TEX101: variants seen among roughly 807,000 people sequenced by gnomAD.
The protein encoded by TEX101 is testis expressed 101.
TEX101 carries 10 observed loss-of-function variants against 18.1 expected under a neutral mutation model. The ratio of observed to expected loss-of-function variants is 0.55; its 90% CI spans 0.34 to 0.94. TEX101 has a LOEUF of 0.94. Ranked by LOEUF, TEX101 falls within the 40% of genes least tolerant of loss-of-function variation. The probability of loss-of-function intolerance (pLI) is 0.02; values close to 1 mark genes in which losing one functional copy is unlikely to be tolerated. For synonymous variants in TEX101, 94 were observed against 114.8 expected, an observed-to-expected ratio of 0.82 and a Z score of 1.16; for missense variants, 259 against 298.9, an observed-to-expected ratio of 0.87 and a Z score of 0.98.
intron 3 of TEX101, among the ~76,000 whole-genome samples, chr19:43,407,548 A>G (rs765706145): frequency 6.6e-6 from 1 of 151,968 alleles, no homozygotes; most frequent in Non-Finnish European, 1.5e-5. Flanking sequence ...GGATTAGACC[A>G]TGTGAGACAG....
Position 43,416,162 on chromosome 19 carries a change from T to G in TEX101, c.128T>G (p.Met43Arg). The change falls in exon 3 of 6, where the codon ATG becomes AGG. Residue 43 changes from methionine (M) to arginine (R), a missense_variant. By Grantham distance (91) the Met-to-Arg change is moderately conservative (BLOSUM62 -1). Transcript: ENST00000598265. ...ACTGTGGAAGCAGATCCAGCCAATATGTTTAACTGGACCACAGAGGAAGTG... is the reference window on the plus strand; with the variant it reads ...ACTGTGGAAGCAGATCCAGCCAATAGGTTTAACTGGACCACAGAGGAAGTG... ...SMTVEADPAN[M>R]FNWTTEEVET... 6.2e-7 allele frequency: 1 copy of G among 1,614,058 alleles called. No individual in the cohort carries two copies. The highest frequency in any genetic ancestry group is 8.5e-7 in the Non-Finnish European group (1 of 1,179,972).
At position 43,416,213 on chromosome 19, in the gene TEX101, G is replaced by C; in HGVS notation, c.179G>C (p.Cys60Ser). Residue 60 changes from cysteine to serine, a missense_variant, in exon 3 of 6, where the codon TGC becomes TCC. Coordinates refer to ENST00000598265, the MANE Select transcript of TEX101 (RefSeq NM_001130011.3). ...EVETCDKGAL[C>S]QETILIIKAG... ...GAGACTTGTGACAAAGGGGCACTTTGCCAGGAAACCATACTAATAATTAAA... is the reference window on the plus strand; with the variant it reads ...GAGACTTGTGACAAAGGGGCACTTTCCCAGGAAACCATACTAATAATTAAA... 6.2e-7 allele frequency: 1 copy of C among 1,611,462 alleles called. No individual in the cohort carries two copies. Among genetic ancestry groups the C allele is most frequent in the African/African-American group, 1.3e-5 (1 of 74,914 alleles).
chr19:43,405,538 A>G (rs1464078553), intron 2 of TEX101, among the ~76,000 whole-genome samples: 1 of 147,112 alleles, frequency 6.8e-6, no homozygotes, highest in Non-Finnish European at 1.5e-5. Flanking sequence ...GACAAGAACA[A>G]AACTCTGTCT....
rs1970456397 is a variant in TEX101 at position 43,414,939 on chromosome 19, G to A, written c.-139G>A. The A allele has an allele frequency of 5.1e-6, 5 of 985,336 alleles. No individual in the cohort carries two copies. Among genetic ancestry groups the A allele is most frequent in the Non-Finnish European group, 6.0e-6 (5 of 829,956 alleles). 61.0% of individuals were successfully genotyped at this position (985,336 alleles called of 1,614,324 possible). A position where few individuals can be genotyped will look rare whatever the true frequency, so the allele number is the denominator to read the frequency against. ...AGGCGTTCCGGGCCTCAACTTTGGC[G>A]TCGTGAGATTCTTGTGAGGCGTCTG... On this transcript the variant is annotated 5_prime_UTR_variant, in exon 1 of 6. Transcript: ENST00000598265.
Position 43,416,163 on chromosome 19 carries a change from G to C in TEX101, c.129G>C (p.Met43Ile). ...CTGTGGAAGCAGATCCAGCCAATAT[G>C]TTTAACTGGACCACAGAGGAAGTGG... The part of the protein sequence containing the change: ...SMTVEADPAN[M>I]FNWTTEEVET... The change falls in exon 3 of 6, where the codon ATG becomes ATC. Residue 43 changes from methionine to isoleucine, a missense_variant. Transcript: ENST00000598265. The C allele has an allele frequency of 6.2e-7, 1 of 1,614,106 alleles. No individual in the cohort carries two copies. Among genetic ancestry groups the C allele is most frequent in the Non-Finnish European group, 8.5e-7 (1 of 1,179,980 alleles).
At chr19:43,396,742 C>T (rs1005858057), upstream of TEX101, among the ~76,000 whole-genome samples, 3 of 151,864 alleles carry the variant, frequency 2.0e-5, no homozygotes, top group African/African-American at 7.3e-5. Flanking sequence ...AGCAAATTAC[C>T]GCACGGCTTC....
chr19:43,417,255 T>A (rs907271714), intron 4 of TEX101, among the ~76,000 whole-genome samples: 2 of 151,946 alleles, frequency 1.3e-5, no homozygotes, highest in African/African-American at 2.4e-5. Context: ...TCAAAATGCT[T>A]AACAATGTAG....
At chr19:43,413,346 A>G (rs2122340599), upstream of TEX101, among the ~76,000 whole-genome samples, 1 of 151,972 alleles carries the variant, frequency 6.6e-6, no homozygotes, top group East Asian at 1.9e-4. Flanking sequence ...CTAAAAATAC[A>G]AAAAAATTAG....
In TEX101 at chr19:43,403,556, A is replaced by G. The variant is rs534051968; in HGVS notation, c.-283+697A>G. Among the ~76,000 whole-genome samples the G allele has an allele frequency of 3.9e-5, 6 of 152,324 alleles. No homozygotes were observed. The South Asian group carries it at 1.2e-3, about 32-fold the overall frequency. On this transcript the variant is annotated intron_variant, in intron 2 of 7. Transcript: ENST00000602198. ...TATGTATCAAACCTGCACGTTGTGCACATGTACCCTAGAACTTAAAGTATA... is the reference window on the plus strand; with the variant it reads ...TATGTATCAAACCTGCACGTTGTGCGCATGTACCCTAGAACTTAAAGTATA...
At chr19:43,412,916 C>G (rs1970431194), upstream of TEX101, among the ~76,000 whole-genome samples, 3 of 152,172 alleles carry the variant, frequency 2.0e-5, no homozygotes, top group South Asian at 6.2e-4. Flanking sequence ...GCCTAGTTCA[C>G]AAGACAGGAG....
At position 43,417,962 on chromosome 19, in the gene TEX101, A is replaced by C. The variant is rs772465790; in HGVS notation, c.476A>C (p.Asn159Thr). Residue 159 changes from asparagine (N) to threonine (T), a missense_variant, in exon 5 of 6, where the codon AAT becomes ACT. Transcript: ENST00000598265. The part of the protein sequence containing the change: ...CFSAPSLPCP[N>T]GTTRCYQGKL... Reference sequence around the variant, plus strand: ...AGTGCTCCTTCTCTTCCCTGTCCCAATGGTACAACTCGATGCTATCAAGGA... The same window carrying C: ...AGTGCTCCTTCTCTTCCCTGTCCCACTGGTACAACTCGATGCTATCAAGGA... 6.2e-7 allele frequency: 1 copy of C among 1,614,106 alleles called. No individual in the cohort carries two copies. The highest frequency in any genetic ancestry group is 1.1e-5 in the South Asian group (1 of 91,078).
chr19:43,410,932 G>A (rs115840225), upstream of TEX101, among the ~76,000 whole-genome samples: 3,448 of 152,116 alleles, frequency 0.023, 145 homozygotes, highest in African/African-American at 0.078. Context: ...GTACAGTGGC[G>A]TTATCTCGGC....
At chr19:43,402,271 G>C (rs866868145) in intron 1 of TEX101, among the ~76,000 whole-genome samples, 1 of 152,258 alleles carries the variant, frequency 6.6e-6, no homozygotes, top group Non-Finnish European at 1.5e-5. Context: ...AGAAGCAAAC[G>C]AACAGCATCA....
chr19:43,418,543 T>C lies in TEX101; in HGVS notation c.*146T>C, dbSNP rs1023169190. ...ACGTATTTGACATTTTTAATACAAT[T>C]TCTGCTATAATTTTTGTATGCAGTA... On this transcript the variant is annotated 3_prime_UTR_variant, in exon 6 of 6. Transcript: ENST00000598265. The C allele has an allele frequency of 1.5e-6, 1 of 676,110 alleles. No homozygotes were observed. Among genetic ancestry groups the C allele is most frequent in the African/African-American group, 1.8e-5 (1 of 55,314 alleles). 41.9% of individuals were successfully genotyped at this position (676,110 alleles called of 1,614,324 possible).
upstream of TEX101, among the ~76,000 whole-genome samples, chr19:43,397,521 A>G (rs1363871301): frequency 6.6e-6 from 1 of 151,926 alleles, no homozygotes; most frequent in Non-Finnish European, 1.5e-5. Context: ...CATAATACCA[A>G]GAATACCCAC....
intron 3 of TEX101, among the ~76,000 whole-genome samples, chr19:43,409,424 T>TAACA (rs1338017900): frequency 6.6e-6 from 1 of 152,176 alleles, no homozygotes; most frequent in Non-Finnish European, 1.5e-5. Flanking sequence ...GCTTTAGACC[T>TAACA]AACAATGTTA....
the TEX101 span, among the ~76,000 whole-genome samples, chr19:43,393,765 T>C: frequency 4.0e-5 from 6 of 151,374 alleles, no homozygotes; most frequent in South Asian, 1.3e-3. Context: ...TCATCTCCAC[T>C]TTCCAGAGAG....
the TEX101 span, among the ~76,000 whole-genome samples, chr19:43,394,355 T>C: frequency 6.6e-6 from 1 of 152,030 alleles, no homozygotes; most frequent in Non-Finnish European, 1.5e-5. Context: ...CTTGCAAAGA[T>C]TATTTCTGTC....
At chr19:43,389,047 C>G in the TEX101 span, among the ~76,000 whole-genome samples, 763 of 152,174 alleles carry the variant, frequency 5.0e-3, 5 homozygotes, top group African/African-American at 0.016. Flanking sequence ...GCTGATGCCT[C>G]TCGGATCTCT....
Sources: gnomAD v4.1 joint callset for allele counts (sites outside exome capture counted in the v4.1 genomes callset) on GRCh38, gnomAD v4.1.1 for gene constraint, MANE v1.5 for transcripts, NCBI Gene and HGNC (gene_info 2026-07-23, HGNC 2026-07-21) for gene names.